The following GRAMD2B variants were observed in gnomAD, a reference collection of about 807,000 sequenced individuals.
GRAMD2B encodes the protein GRAM domain-containing protein 2B.
In GRAMD2B, 41 loss-of-function variants were observed where a neutral mutation model predicts 59.2. That is an observed-to-expected ratio of 0.69 (90% CI 0.54 to 0.90). The LOEUF (loss-of-function observed/expected upper bound fraction) is 0.90, where lower values mean the gene tolerates loss of function less well. Among genes scored for constraint, GRAMD2B ranks in the 40% least tolerant of loss-of-function variants. The probability of loss-of-function intolerance (pLI) is 0.00; values close to 1 mark genes in which losing one functional copy is unlikely to be tolerated. For missense variants in GRAMD2B, 424 were observed against 500.5 expected (o/e 0.85, Z 1.46); for synonymous variants, 161 against 182.7 (o/e 0.88, Z 0.96).
intron 1 of GRAMD2B, among the ~76,000 whole-genome samples, chr5:126,386,234 G>A (rs763577265): frequency 2.6e-5 from 4 of 152,048 alleles, no homozygotes; most frequent in African/African-American, 4.8e-5. Context: ...TGGACATCAC[G>A]GATCACCACC....
chr5:126,407,480 A>G (rs1181797477), intron 1 of GRAMD2B, among the ~76,000 whole-genome samples: 2 of 152,032 alleles, frequency 1.3e-5, no homozygotes, highest in African/African-American at 4.8e-5. Context: ...TCGGGGTGGC[A>G]AAAGCATCTT....
intron 1 of GRAMD2B, among the ~76,000 whole-genome samples, chr5:126,373,100 A>G (rs1430575323): frequency 6.6e-6 from 1 of 151,178 alleles, no homozygotes; most frequent in East Asian, 1.9e-4. Flanking sequence ...TGAGTATTCA[A>G]TATCAAATTT....
chr5:126,451,402 G>A (rs1200891851), intron 1 of GRAMD2B, among the ~76,000 whole-genome samples: 1 of 152,242 alleles, frequency 6.6e-6, no homozygotes, highest in African/African-American at 2.4e-5. Flanking sequence ...TTGTTTTGGA[G>A]CTTTAAGACT....
chr5:126,454,601 G>A (rs1321975783), intron 1 of GRAMD2B, among the ~76,000 whole-genome samples: 1 of 152,222 alleles, frequency 6.6e-6, no homozygotes, highest in Non-Finnish European at 1.5e-5. Context: ...AGAATTAGGA[G>A]TAGATATAGA....
At chr5:126,417,966 G>A (rs1161371512) in intron 1 of GRAMD2B, among the ~76,000 whole-genome samples, 1 of 152,092 alleles carries the variant, frequency 6.6e-6, no homozygotes, top group African/African-American at 2.4e-5. Context: ...AAATGATGGT[G>A]GAATTTTATT....
chr5:126,380,931 T>C (rs1755605175), intron 1 of GRAMD2B, among the ~76,000 whole-genome samples: 1 of 152,196 alleles, frequency 6.6e-6, no homozygotes, highest in Non-Finnish European at 1.5e-5. Flanking sequence ...GGACTTTCAA[T>C]ACTATGTTGA....
At chr5:126,431,182 C>A (rs915286967) in intron 1 of GRAMD2B, among the ~76,000 whole-genome samples, 1 of 150,722 alleles carries the variant, frequency 6.6e-6, no homozygotes, top group African/African-American at 2.4e-5. Flanking sequence ...GATTAGTTTT[C>A]TTTTTTTTTA....
upstream of GRAMD2B, among the ~76,000 whole-genome samples, chr5:126,370,643 C>T (rs866963907): frequency 3.3e-5 from 5 of 152,200 alleles, no homozygotes; most frequent in South Asian, 2.1e-4. Context: ...TATTCTCCTA[C>T]GTATTTCATT....
intron 1 of GRAMD2B, among the ~76,000 whole-genome samples, chr5:126,374,961 A>T (rs538727995): frequency 3.9e-5 from 6 of 152,352 alleles, no homozygotes; most frequent in African/African-American, 1.4e-4. Context: ...AAAACTTTTT[A>T]AAAATGAAAT....
upstream of GRAMD2B, among the ~76,000 whole-genome samples, chr5:126,370,251 CAATACAGCATG>C (rs1323434688): frequency 1.3e-5 from 2 of 152,186 alleles, no homozygotes. Context: ...TTCTTAGGGT[CAATACAGCATG>C]TAGAGCAGCA....
chr5:126,410,120 C>T (rs1301596697), intron 1 of GRAMD2B, among the ~76,000 whole-genome samples: 5 of 151,876 alleles, frequency 3.3e-5, no homozygotes, highest in Admixed American at 1.3e-4. Flanking sequence ...AGTCAGGTAG[C>T]ATGATGCCTC....
At position 126,423,503 on chromosome 5, in the gene GRAMD2B, C is replaced by T. The variant is rs899044047; in HGVS notation, c.-104C>T. 5.9e-6 allele frequency: 9 copies of T among 1,531,284 alleles called. No individual in the cohort carries two copies. Among genetic ancestry groups the T allele is most frequent in the South Asian group, 2.4e-5 (2 of 81,760 alleles). 94.9% of individuals were successfully genotyped at this position (1,531,284 alleles called of 1,614,324 possible). A position where few individuals can be genotyped will look rare whatever the true frequency, so the allele number is the denominator to read the frequency against. On this transcript the variant is annotated 5_prime_UTR_variant, in exon 1 of 14. It adds an upstream start codon to the 5' untranslated region. Transcript: ENST00000285689. The stretch of plus-strand genomic sequence containing the variant: ...TGGGCGGAGGGTGCAGGGGAGGGCA[C>T]GGCGCCGCTTGCTTGGCCTGCGCAC...
chr5:126,416,820 C>A (rs1759304673), intron 1 of GRAMD2B, among the ~76,000 whole-genome samples: 1 of 152,208 alleles, frequency 6.6e-6, no homozygotes, highest in African/African-American at 2.4e-5. Context: ...AAGATGTCAC[C>A]TCTCAAAGAA....
upstream of GRAMD2B, among the ~76,000 whole-genome samples, chr5:126,421,021 A>T (rs1050853319): frequency 6.6e-6 from 1 of 152,240 alleles, no homozygotes; most frequent in African/African-American, 2.4e-5. Flanking sequence ...AATGTGAGGT[A>T]CCTAAAACAG....
chr5:126,391,665 T>G (rs1351866467), intron 1 of GRAMD2B, among the ~76,000 whole-genome samples: 1 of 152,172 alleles, frequency 6.6e-6, no homozygotes, highest in Admixed American at 6.5e-5. Context: ...AAGCTAGTCA[T>G]AAAAGGCCAC....
At chr5:126,483,420 T>C in intron 8 of GRAMD2B, 43 bp from the exon 9 acceptor site, 1 of 1,234,812 alleles carries the variant, frequency 8.1e-7, no homozygotes, top group Non-Finnish European at 1.2e-6. Flanking sequence ...GCCTGTTTAC[T>C]AAGGGAATAT....
At position 126,423,657 on chromosome 5, in the gene GRAMD2B, C is replaced by T. The variant is rs767704922; in HGVS notation, c.51C>T (p.Leu17=). 3.1e-6 allele frequency: 5 copies of T among 1,608,936 alleles called. No individual in the cohort carries two copies. Among genetic ancestry groups the T allele is most frequent in the South Asian group, 1.1e-5 (1 of 89,816 alleles). ...AAGACACAAAGCCTGCGAAAGTGCTCGGGAAGAGGGAGAGCAAACTTGGCT... is the reference window on the plus strand; with the variant it reads ...AAGACACAAAGCCTGCGAAAGTGCTTGGGAAGAGGGAGAGCAAACTTGGCT... ...DVEDTKPAKV[L]GKRESKLGSA... Residue 17 remains leucine (L), a synonymous_variant, in exon 1 of 14, where the codon CTC becomes CTT. Coordinates refer to ENST00000285689, the MANE Select transcript of GRAMD2B (RefSeq NM_023927.4).
chr5:126,399,078 A>C (rs1481611650), intron 1 of GRAMD2B, among the ~76,000 whole-genome samples: 1 of 152,106 alleles, frequency 6.6e-6, no homozygotes, highest in Non-Finnish European at 1.5e-5. Flanking sequence ...GGTACTGTTG[A>C]GTGGAAAGTT....
chr5:126,476,112 A>G (rs1018989364), intron 5 of GRAMD2B, among the ~76,000 whole-genome samples: 1 of 151,984 alleles, frequency 6.6e-6, no homozygotes, highest in African/African-American at 2.4e-5. Context: ...CCATCTCAAA[A>G]AAAGAAAAAA....
Sources: gnomAD v4.1 joint callset for allele counts (sites outside exome capture counted in the v4.1 genomes callset) on GRCh38, gnomAD v4.1.1 for gene constraint, MANE v1.5 for transcripts, NCBI Gene and HGNC (gene_info 2026-07-23, HGNC 2026-07-21) for gene names.